The following CDH9 variants were observed in gnomAD, a reference collection of about 807,000 sequenced individuals.
The protein encoded by CDH9 is cadherin 9, also known as cadherin-9.
In CDH9, 28 loss-of-function variants were observed where a neutral mutation model predicts 70.9. The ratio of observed to expected loss-of-function variants is 0.40; its 90% confidence interval spans 0.29 to 0.54. The LOEUF is 0.54. Ranked by LOEUF, CDH9 falls within the 20% of genes least tolerant of loss-of-function variation. The pLI, the probability that CDH9 is intolerant of heterozygous loss-of-function variation, is 0.59. For synonymous variants in CDH9, 409 were observed against 343.1 expected (o/e 1.19, Z -2.12); for missense variants, 874 against 984.4 (o/e 0.89, Z 1.50).
At chr5:26,930,532 C>T (rs963349081) in intron 2 of CDH9, among the ~76,000 whole-genome samples, 5 of 152,000 alleles carry the variant, frequency 3.3e-5, no homozygotes, top group Non-Finnish European at 4.4e-5. Flanking sequence ...ATAAGTGGAC[C>T]TGCACAATTC....
intron 1 of CDH9, among the ~76,000 whole-genome samples, chr5:27,014,551 G>A (rs566381633): frequency 8.6e-5 from 13 of 151,716 alleles, no homozygotes; most frequent in Non-Finnish European, 1.9e-4. Context: ...GATAATTATC[G>A]CAGGTGTTTC....
chr5:26,889,901 C>T lies in CDH9; in HGVS notation c.1447G>A (p.Asp483Asn), dbSNP rs143800304. Residue 483 changes from aspartate (D) to asparagine (N), a missense_variant, in exon 9 of 12, where the codon GAC becomes AAC. Coordinates refer to ENST00000231021, the MANE Select transcript of CDH9 (RefSeq NM_016279.4). ...PVFIRILDIN[D>N]HAPEFAMYYE... ...TACATGGCAAATTCCGGAGCATGGTCATTTATATCTAGAATTCTGATGAAG... is the reference window on the plus strand; with the variant it reads ...TACATGGCAAATTCCGGAGCATGGTTATTTATATCTAGAATTCTGATGAAG... 1 of 1,604,396 alleles carries T rather than the reference C, an allele frequency of 6.2e-7. No individual in the cohort carries two copies. The highest frequency in any genetic ancestry group is 8.5e-7 in the Non-Finnish European group (1 of 1,172,314).
chr5:26,938,848 T>G (rs77460378), intron 2 of CDH9, among the ~76,000 whole-genome samples: 4,259 of 152,188 alleles, frequency 0.028, 213 homozygotes, highest in African/African-American at 0.099. Flanking sequence ...GTCAAATATA[T>G]AAATGTGCAT....
chr5:26,895,397 C>T (rs1309933380), intron 7 of CDH9, among the ~76,000 whole-genome samples: 1 of 151,854 alleles, frequency 6.6e-6, no homozygotes, highest in African/African-American at 2.4e-5. Flanking sequence ...AGAGAAGCAC[C>T]ACTATACAGG....
chr5:26,913,949 A>G (rs1741099779), intron 3 of CDH9, among the ~76,000 whole-genome samples: 1 of 152,086 alleles, frequency 6.6e-6, no homozygotes, highest in African/African-American at 2.4e-5. Context: ...ATCAGAAAAC[A>G]ATGTAGGAGA....
Position 26,881,188 on chromosome 5 carries a change from C to T in CDH9, c.2318G>A (p.Arg773His), listed in dbSNP as rs553402369. 2.5e-6 allele frequency: 4 copies of T among 1,612,616 alleles called. No individual in the cohort carries two copies. The highest frequency in any genetic ancestry group is 1.3e-5 in the African/African-American group (1 of 74,924). Reference sequence around the variant, plus strand: ...ATACATATCGGCAAGTTTTTTGAAACGAGGCCCCCAGTCACTGAGGTAATC... The same window carrying T: ...ATACATATCGGCAAGTTTTTTGAAATGAGGCCCCCAGTCACTGAGGTAATC... ...DYDYLSDWGP[R>H]FKKLADMYGG... is the part of the protein sequence containing the mutation. Residue 773 changes from arginine (R) to histidine (H), a missense_variant, in exon 12 of 12, where the codon CGT (arginine) becomes CAT (histidine). Transcript: ENST00000231021.
intron 2 of CDH9, among the ~76,000 whole-genome samples, chr5:26,979,687 C>G (rs770526445): frequency 1.3e-5 from 2 of 151,638 alleles, no homozygotes; most frequent in Non-Finnish European, 3.0e-5. Context: ...AGGCTGAGAG[C>G]AAGAGAATGA....
At chr5:26,976,249 A>G (rs974880644) in intron 2 of CDH9, among the ~76,000 whole-genome samples, 1 of 152,162 alleles carries the variant, frequency 6.6e-6, no homozygotes, top group African/African-American at 2.4e-5. Flanking sequence ...CATAAACTCT[A>G]TATGAACAGA....
chr5:26,972,474 T>C (rs1182015249), intron 2 of CDH9, among the ~76,000 whole-genome samples: 2 of 152,134 alleles, frequency 1.3e-5, no homozygotes, highest in Non-Finnish European at 2.9e-5. Context: ...AATCTGAGAA[T>C]ACTCACGTTC....
In CDH9 at chr5:26,886,004, A is replaced by G. The variant is rs1265507046; in HGVS notation, c.1592T>C (p.Phe531Ser). Residue 531 changes from phenylalanine (F) to serine (S), a missense_variant, in exon 10 of 12, where the codon TTT becomes TCT. Transcript: ENST00000231021. ...AATGGTGAAATTCGGATTGAGAGTA[A>G]ATTCTGGCACTGGTTCAAAAAAGAA... is the stretch of plus-strand genomic sequence containing the variant. Reference protein sequence around the residue: ...HKFFFEPVPEFTLNPNFTIVD... With the variant: ...HKFFFEPVPESTLNPNFTIVD... 3 of 1,612,160 alleles carry G rather than the reference A, an allele frequency of 1.9e-6. No homozygotes were observed. The South Asian group carries it at 3.3e-5, about 18-fold the overall frequency.
At chr5:26,927,230 T>C (rs926086611) in intron 2 of CDH9, among the ~76,000 whole-genome samples, 2 of 151,644 alleles carry the variant, frequency 1.3e-5, no homozygotes, top group Non-Finnish European at 2.9e-5. Flanking sequence ...CCTAAAAACG[T>C]AGGGATAGAA....
chr5:26,964,161 A>C (rs116801592), intron 2 of CDH9, among the ~76,000 whole-genome samples: 191 of 152,204 alleles, frequency 1.3e-3, no homozygotes, highest in African/African-American at 4.5e-3. Flanking sequence ...CAAAACTTAC[A>C]TTCAGTAGAA....
intron 1 of CDH9, among the ~76,000 whole-genome samples, chr5:26,997,701 T>A (rs1028992998): frequency 1.5e-5 from 2 of 129,482 alleles, no homozygotes; most frequent in Non-Finnish European, 3.4e-5. Context: ...CACAAACAAA[T>A]GGTAATTTTT....
chr5:27,011,847 C>A (rs1188692781), intron 1 of CDH9, among the ~76,000 whole-genome samples: 2 of 151,858 alleles, frequency 1.3e-5, no homozygotes, highest in Non-Finnish European at 2.9e-5. Flanking sequence ...TGGCAAGGCA[C>A]CAATCTCTCT....
At chr5:26,898,433 T>C (rs1740791237) in intron 7 of CDH9, among the ~76,000 whole-genome samples, 1 of 151,926 alleles carries the variant, frequency 6.6e-6, no homozygotes. Flanking sequence ...ACACTGCAAG[T>C]CTTCAGTAAC....
At chr5:26,951,236 T>A (rs951394182) in intron 2 of CDH9, among the ~76,000 whole-genome samples, 1 of 124,558 alleles carries the variant, frequency 8.0e-6, no homozygotes, top group Non-Finnish European at 1.5e-5. Flanking sequence ...GAGGTTGCAG[T>A]GAGTGGAGAT....
At chr5:27,027,741 T>A (rs1743243745) in intron 1 of CDH9, among the ~76,000 whole-genome samples, 1 of 152,136 alleles carries the variant, frequency 6.6e-6, no homozygotes, top group African/African-American at 2.4e-5. Context: ...GAAGTAAAGA[T>A]AACCTACTAG....
intron 2 of CDH9, among the ~76,000 whole-genome samples, chr5:26,960,673 CTAAA>C (rs1742018737): frequency 6.6e-6 from 1 of 151,822 alleles, no homozygotes; most frequent in African/African-American, 2.4e-5. Flanking sequence ...CTAGTATATA[CTAAA>C]TAAATTTAGA....
intron 2 of CDH9, among the ~76,000 whole-genome samples, chr5:26,970,535 C>T (rs1213674598): frequency 6.6e-6 from 1 of 152,056 alleles, no homozygotes; most frequent in Non-Finnish European, 1.5e-5. Context: ...ATTGTTGCTT[C>T]ATGATCAAGC....
Sources: allele counts gnomAD v4.1 joint callset (sites outside exome capture counted in the v4.1 genomes callset), GRCh38; gene constraint gnomAD v4.1.1; transcripts MANE v1.5; gene names NCBI Gene and HGNC (gene_info 2026-07-23, HGNC 2026-07-21).